UST: variants seen among roughly 807,000 people sequenced by gnomAD.
The protein encoded by UST is chondroitin sulfate 2-O-sulfotransferase.
Under a neutral mutation model 45.6 loss-of-function variants are expected in UST, and 21 were observed. The observed-to-expected ratio is 0.46, with a 90% CI of 0.33 to 0.66. UST has a LOEUF of 0.66. UST is among the 30% of genes least tolerant of loss of function. The probability of loss-of-function intolerance (pLI) is 0.02; values close to 1 mark genes in which losing one functional copy is unlikely to be tolerated. For synonymous variants in UST, 215 were observed against 200.6 expected, an observed-to-expected ratio of 1.07 and a Z score of -0.61; for missense variants, 463 against 512.4, an observed-to-expected ratio of 0.90 and a Z score of 0.93.
At chr6:148,905,818 T>C (rs778459199) in intron 2 of UST, among the ~76,000 whole-genome samples, 11 of 152,214 alleles carry the variant, frequency 7.2e-5, no homozygotes, top group Non-Finnish European at 1.6e-4. Context: ...CTGTTAGAGA[T>C]CTTAGTGTGC....
chr6:148,870,423 G>A (rs1276194315), intron 1 of UST, among the ~76,000 whole-genome samples: 1 of 152,154 alleles, frequency 6.6e-6, no homozygotes, highest in African/African-American at 2.4e-5. Flanking sequence ...ACTTCCATTT[G>A]CCTTTTGAAT....
At chr6:148,945,127 CTGAGGATTACG>C (rs1370188121) in intron 3 of UST, among the ~76,000 whole-genome samples, 1 of 152,216 alleles carries the variant, frequency 6.6e-6, no homozygotes, top group East Asian at 1.9e-4. Context: ...TCTGTTGAAA[CTGAGGATTACG>C]TGTTGGATAC....
In UST at chr6:148,941,416, G is replaced by A. The variant is rs374830871; in HGVS notation, c.429G>A (p.Arg143=). ...CATCAGACATTCACAACAAAACCAG[G>A]CTTACTAAAAATGAACAAGTAAGTT... The part of the protein sequence containing the change: ...LVTSDIHNKT[R]LTKNEQMELI... The change falls in exon 3 of 8, where the codon AGG becomes AGA. Residue 143 remains arginine, a synonymous_variant. Transcript: ENST00000367463. The A allele has an allele frequency of 6.9e-6, 11 of 1,588,656 alleles. No homozygotes were observed. Among genetic ancestry groups the A allele is most frequent in the Non-Finnish European group, 9.4e-6 (11 of 1,173,580 alleles).
At chr6:148,857,814 A>G (rs2114795395) in intron 1 of UST, among the ~76,000 whole-genome samples, 1 of 151,948 alleles carries the variant, frequency 6.6e-6, no homozygotes, top group East Asian at 1.9e-4. Flanking sequence ...AAGCATAGCA[A>G]GTGCTTCTCC....
intron 7 of UST, among the ~76,000 whole-genome samples, chr6:149,041,748 G>A (rs554175369): frequency 2.2e-4 from 33 of 152,186 alleles, no homozygotes; most frequent in African/African-American, 7.0e-4. Context: ...AGATTCCCCC[G>A]CTACATGCCT....
intron 5 of UST, among the ~76,000 whole-genome samples, chr6:148,985,542 A>ATTT (rs1781223442): frequency 1.3e-5 from 2 of 152,170 alleles, no homozygotes; most frequent in African/African-American, 4.8e-5. Flanking sequence ...GAGAATAGAA[A>ATTT]ACGTAACCAT....
Position 148,862,671 on chromosome 6 carries a change from G to C in UST, c.248-24315G>C, listed in dbSNP as rs528050928. On this transcript the variant is annotated intron_variant, in intron 1 of 7. Coordinates refer to ENST00000367463, the MANE Select transcript of UST (RefSeq NM_005715.3). ...TTTCCATGTTTAGGGCTTCCTTCGG[G>C]AGCTCTTTTAGGGCAGGCCTGGTGG... is the stretch of plus-strand genomic sequence containing the variant. 1.9e-4 allele frequency among the ~76,000 whole-genome samples: 29 copies of C among 152,294 alleles called. No individual in the cohort carries two copies. In the South Asian group the frequency reaches 6.0e-3, roughly 32 times the overall value.
chr6:148,911,970 G>A (rs1007370398), intron 2 of UST, among the ~76,000 whole-genome samples: 7 of 152,160 alleles, frequency 4.6e-5, no homozygotes, highest in Admixed American at 2.0e-4. Flanking sequence ...ACTAAGGGGG[G>A]CAGATCACTT....
chr6:149,073,889 G>A lies in UST; in HGVS notation c.994G>A (p.Glu332Lys). ...GGTGAAGAAGACTGTCCCCTCTCCTGAGGCTGTGCAGATCCTCTACCAGCG... is the reference window on the plus strand; with the variant it reads ...GGTGAAGAAGACTGTCCCCTCTCCTAAGGCTGTGCAGATCCTCTACCAGCG... ...VTVKKTVPSPEAVQILYQRMR... is the reference protein window; with the variant it reads ...VTVKKTVPSPKAVQILYQRMR... Residue 332 changes from glutamate (E) to lysine (K), a missense_variant, in exon 8 of 8, where the codon GAG (glutamate) becomes AAG (lysine). Coordinates refer to ENST00000367463, the MANE Select transcript of UST (RefSeq NM_005715.3). 1 of 1,614,158 alleles carries A rather than the reference G, an allele frequency of 6.2e-7. No homozygotes were observed. The highest frequency in any genetic ancestry group is 8.5e-7 in the Non-Finnish European group (1 of 1,180,024).
At chr6:148,882,423 C>T (rs1460007305) in intron 1 of UST, among the ~76,000 whole-genome samples, 2 of 141,108 alleles carry the variant, frequency 1.4e-5, no homozygotes, top group Non-Finnish European at 3.0e-5. Flanking sequence ...AAGGCAGAGG[C>T]TGCAGTGAGC....
intron 5 of UST, chr6:148,990,411 G>A: frequency 1.0e-6 from 1 of 985,342 alleles, no homozygotes. Flanking sequence ...AGAAGCCAAA[G>A]GAGATGTTTC....
At chr6:148,882,555 T>C (rs1778842478) in intron 1 of UST, among the ~76,000 whole-genome samples, 1 of 149,326 alleles carries the variant, frequency 6.7e-6, no homozygotes, top group Non-Finnish European at 1.5e-5. Flanking sequence ...GAAAGTCTTC[T>C]ACAGTGAAGG....
intron 5 of UST, among the ~76,000 whole-genome samples, chr6:148,965,515 G>A (rs12212812): frequency 0.13 from 19,310 of 152,206 alleles, 1,375 homozygotes; most frequent in South Asian, 0.15. Context: ...CTGATGTGCC[G>A]TCAGCAGCAG....
intron 1 of UST, among the ~76,000 whole-genome samples, chr6:148,882,486 CAAAAA>C (rs397741900): frequency 6.7e-5 from 5 of 74,172 alleles, no homozygotes; most frequent in Non-Finnish European, 9.7e-5. Flanking sequence ...AACTCCATCT[CAAAAA>C]AAAAAAAAAA....
intron 1 of UST, among the ~76,000 whole-genome samples, chr6:148,799,336 C>T (rs1283938941): frequency 6.6e-6 from 1 of 152,146 alleles, no homozygotes; most frequent in African/African-American, 2.4e-5. Context: ...TTGTTATCTC[C>T]ACAGATTGAC....
At chr6:148,830,232 T>A (rs1167419140) in intron 1 of UST, among the ~76,000 whole-genome samples, 1 of 152,216 alleles carries the variant, frequency 6.6e-6, no homozygotes, top group Non-Finnish European at 1.5e-5. Flanking sequence ...ACCCACCAAT[T>A]TCTTGCCAGT....
chr6:148,748,402 TGTGTGTGTGTGTGTGTGTG>T lies in UST; in HGVS notation c.247+726_247+744del, dbSNP rs1775920634. ...CGTCTCAAGCTCAAGTCAAAACTTG[TGTGTGTGTGTGTGTGTGTG>T]TGTGTGTGTGTGTGTGTGTGTGTGT... On this transcript the variant is annotated intron_variant, in intron 1 of 7. Coordinates refer to ENST00000367463, the MANE Select transcript of UST (RefSeq NM_005715.3). The surrounding 1 kb of genome is among the most constrained non-coding windows in gnomAD (Gnocchi z 5.3). Among the ~76,000 whole-genome samples, 1 of 8,994 alleles carries T rather than the reference TGTGTGTGTGTGTGTGTGTG, an allele frequency of 1.1e-4. No homozygotes were observed. Among genetic ancestry groups the T allele is most frequent in the African/African-American group, 4.5e-4 (1 of 2,242 alleles). The allele number at this position is 8,994 out of a possible 152,430, so 5.9% of individuals were successfully genotyped here. A position where few individuals can be genotyped will look rare whatever the true frequency, so the allele number is the denominator to read the frequency against.
intron 1 of UST, among the ~76,000 whole-genome samples, chr6:148,819,219 A>T (rs1450169683): frequency 2.0e-5 from 3 of 152,250 alleles, no homozygotes; most frequent in African/African-American, 7.2e-5. Context: ...TGATCCTGTT[A>T]GCAGAGATAA....
intron 7 of UST, among the ~76,000 whole-genome samples, chr6:149,050,281 G>A (rs142259266): frequency 9.8e-5 from 15 of 152,332 alleles, no homozygotes; most frequent in Middle Eastern, 3.4e-3. Flanking sequence ...AGTCACTGTA[G>A]TAGTAAGATT....
Sources: allele counts gnomAD v4.1 joint callset (sites outside exome capture counted in the v4.1 genomes callset), GRCh38; gene constraint gnomAD v4.1.1; non-coding constraint Gnocchi (gnomAD v3.1); transcripts MANE v1.5; gene names NCBI Gene and HGNC (gene_info 2026-07-23, HGNC 2026-07-21).